KLHL32: variants seen among roughly 807,000 people sequenced by gnomAD.
KLHL32 encodes kelch like family member 32.
A neutral mutation model predicts 64.8 loss-of-function variants in KLHL32; 35 were observed. The observed-to-expected ratio is 0.54, with a 90% CI of 0.41 to 0.72. KLHL32 has a LOEUF of 0.72. Among genes scored for constraint, KLHL32 ranks in the 30% least tolerant of loss-of-function variants. KLHL32 has a pLI of 0.00. For missense variants in KLHL32, 589 were observed against 768.5 expected (o/e 0.77, Z 2.76); for synonymous variants, 259 against 281.0 (o/e 0.92, Z 0.78).
intron 3 of KLHL32, among the ~76,000 whole-genome samples, chr6:97,025,720 A>G (rs565614282): frequency 1.4e-4 from 21 of 152,296 alleles, no homozygotes; most frequent in Non-Finnish European, 1.6e-4. Flanking sequence ...TGGTGAAGGC[A>G]TGGGTTCAAG....
chr6:97,089,373 G>A (rs1441698567), intron 6 of KLHL32, among the ~76,000 whole-genome samples: 2 of 152,236 alleles, frequency 1.3e-5, no homozygotes, highest in African/African-American at 4.8e-5. Flanking sequence ...CAGTAGTTAG[G>A]TTAAGGAAAT....
In KLHL32 at chr6:97,135,824, T is replaced by TAACA. The variant is rs1436872601; in HGVS notation, c.1701+3078_1701+3081dup. Among the ~76,000 whole-genome samples, 4 of 152,300 alleles carry TAACA rather than the reference T, an allele frequency of 2.6e-5. No individual in the cohort carries two copies. In the South Asian group the frequency reaches 6.2e-4, roughly 24 times the overall value. On this transcript the variant is annotated intron_variant, in intron 10 of 10. Transcript: ENST00000369261. The stretch of plus-strand genomic sequence containing the variant: ...GATAGAACAATTGGTTTCAATACAC[T>TAACA]AACAGTAATAAATTAAATTGATGGT...
chr6:97,112,523 T>C (rs1376909722), intron 6 of KLHL32, among the ~76,000 whole-genome samples: 1 of 152,000 alleles, frequency 6.6e-6, no homozygotes, highest in African/African-American at 2.4e-5. Flanking sequence ...CTCAGCTCAC[T>C]GTAAGCTCCA....
intron 1 of KLHL32, among the ~76,000 whole-genome samples, chr6:96,930,624 A>G (rs1769748705): frequency 1.3e-5 from 2 of 152,036 alleles, no homozygotes; most frequent in Admixed American, 6.6e-5. Flanking sequence ...TTCCTGAGCC[A>G]TATAAAATGT....
At chr6:97,058,990 C>G (rs891597473) in intron 4 of KLHL32, among the ~76,000 whole-genome samples, 1 of 152,168 alleles carries the variant, frequency 6.6e-6, no homozygotes, top group African/African-American at 2.4e-5. Flanking sequence ...TTTCACTGTA[C>G]AAATAAGAAC....
At chr6:97,060,245 A>AT (rs1788656150) in intron 4 of KLHL32, among the ~76,000 whole-genome samples, 1 of 152,222 alleles carries the variant, frequency 6.6e-6, no homozygotes, top group Non-Finnish European at 1.5e-5. Flanking sequence ...AGAAAAAAAA[A>AT]GGTCACACTG....
At chr6:96,976,740 A>G (rs956544478) in intron 3 of KLHL32, among the ~76,000 whole-genome samples, 1 of 152,098 alleles carries the variant, frequency 6.6e-6, no homozygotes, top group African/African-American at 2.4e-5. Context: ...CTGGGATTAC[A>G]GGGACATGCC....
At chr6:96,977,044 T>G (rs2128044919) in intron 3 of KLHL32, among the ~76,000 whole-genome samples, 1 of 152,288 alleles carries the variant, frequency 6.6e-6, no homozygotes, top group African/African-American at 2.4e-5. Flanking sequence ...CAACAGCAAA[T>G]TACATGTGGT....
chr6:97,029,358 A>G (rs576766757), intron 3 of KLHL32, among the ~76,000 whole-genome samples: 10 of 152,172 alleles, frequency 6.6e-5, no homozygotes, highest in African/African-American at 2.2e-4. Flanking sequence ...AAGATTTTAG[A>G]AAAAAAACAA....
Position 97,064,526 on chromosome 6 carries a change from G to A in KLHL32, c.313-102G>A, listed in dbSNP as rs569585743. 91 of 770,466 alleles carry A rather than the reference G, an allele frequency of 1.2e-4. 2 individuals are homozygous for A. The highest frequency in any genetic ancestry group is 7.1e-4 in the South Asian group (42 of 59,548). The allele number at this position is 770,466 out of a possible 1,614,324, so 47.7% of individuals were successfully genotyped here. On this transcript the variant is annotated intron_variant, in intron 4 of 10. Transcript: ENST00000369261. ...AACAGTGTTAATTGAAATAGAGTAC[G>A]TAAAGCAGCAATTTAAATATACTAT...
intron 3 of KLHL32, among the ~76,000 whole-genome samples, chr6:96,995,440 A>C (rs556237020): frequency 6.6e-6 from 1 of 152,180 alleles, no homozygotes; most frequent in South Asian, 2.1e-4. Context: ...GTTCTTTTTC[A>C]AACCATTGTG....
At chr6:96,990,967 A>G (rs1028882214) in intron 3 of KLHL32, among the ~76,000 whole-genome samples, 1 of 151,438 alleles carries the variant, frequency 6.6e-6, no homozygotes. Flanking sequence ...TAGGAGCTCC[A>G]CCACAGAGAA....
At chr6:97,100,091 A>C (rs1795507804) in intron 6 of KLHL32, among the ~76,000 whole-genome samples, 1 of 152,062 alleles carries the variant, frequency 6.6e-6, no homozygotes, top group Non-Finnish European at 1.5e-5. Flanking sequence ...GCAGTACGCC[A>C]AGATTGTGCC....
intron 4 of KLHL32, among the ~76,000 whole-genome samples, chr6:97,046,248 T>G (rs576617080): frequency 9.5e-4 from 145 of 152,326 alleles, no homozygotes; most frequent in African/African-American, 3.4e-3. Flanking sequence ...TAAGGAATGC[T>G]GTGACCCCAC....
chr6:97,024,813 CA>C (rs2128107826), intron 3 of KLHL32, among the ~76,000 whole-genome samples: 1 of 152,220 alleles, frequency 6.6e-6, no homozygotes, highest in South Asian at 2.1e-4. Context: ...TAATAGCTAA[CA>C]TTTTTTATCA....
At chr6:97,001,166 G>A (rs9320375) in intron 3 of KLHL32, among the ~76,000 whole-genome samples, 37,225 of 151,854 alleles carry the variant, frequency 0.25, 5,889 homozygotes, top group East Asian at 0.53. Context: ...GAACCCTAAC[G>A]TAAACTTTGG....
intron 1 of KLHL32, among the ~76,000 whole-genome samples, chr6:96,959,339 G>T (rs1480223892): frequency 6.6e-6 from 1 of 152,146 alleles, no homozygotes; most frequent in African/African-American, 2.4e-5. Context: ...GCAAAGGGCT[G>T]CCATAACAAA....
intron 4 of KLHL32, among the ~76,000 whole-genome samples, chr6:97,059,145 G>A (rs1788471109): frequency 6.6e-6 from 1 of 152,200 alleles, no homozygotes; most frequent in East Asian, 1.9e-4. Context: ...GATGAGGTAG[G>A]GGTGGGGAGA....
At chr6:96,985,161 G>C (rs1415719497) in intron 3 of KLHL32, among the ~76,000 whole-genome samples, 1 of 151,864 alleles carries the variant, frequency 6.6e-6, no homozygotes, top group African/African-American at 2.4e-5. Context: ...GAAATTCTGG[G>C]TTGAAAATTC....
Sources: gnomAD v4.1 joint callset for allele counts (sites outside exome capture counted in the v4.1 genomes callset) on GRCh38, gnomAD v4.1.1 for gene constraint, MANE v1.5 for transcripts, NCBI Gene and HGNC (gene_info 2026-07-23, HGNC 2026-07-21) for gene names.